The following IKZF1 variants were observed in gnomAD, a reference collection of about 807,000 sequenced individuals.
IKZF1 encodes IKAROS family zinc finger 1.
In IKZF1, 10 loss-of-function variants were observed where a neutral mutation model predicts 51.7. The ratio of observed to expected loss-of-function variants is 0.19; its 90% CI spans 0.12 to 0.33. The LOEUF (loss-of-function observed/expected upper bound fraction) is 0.33, where lower values mean the gene tolerates loss of function less well. IKZF1 is among the 10% of genes least tolerant of loss of function. The pLI is 1.00. For missense variants in IKZF1, 484 were observed against 707.5 expected (o/e 0.68, Z 3.58); for synonymous variants, 280 against 282.3 (o/e 0.99, Z 0.08).
At chr7:50,318,500 A>C (rs1346174912) in intron 1 of IKZF1, 1 of 226,874 alleles carries the variant, frequency 4.4e-6, no homozygotes, top group Non-Finnish European at 8.8e-6. Flanking sequence ...CCCATCTGCC[A>C]GGCTGGAGGT....
intron 5 of IKZF1, among the ~76,000 whole-genome samples, chr7:50,384,169 A>T (rs1238027876): frequency 6.6e-6 from 1 of 152,216 alleles, no homozygotes; most frequent in Non-Finnish European, 1.5e-5. Context: ...GAGACATTCT[A>T]AACTAGTGTG....
chr7:50,375,299 C>G (rs1359756003), intron 3 of IKZF1, among the ~76,000 whole-genome samples: 1 of 152,164 alleles, frequency 6.6e-6, no homozygotes, highest in Non-Finnish European at 1.5e-5. Flanking sequence ...TGGTGCACAC[C>G]TGTAGTCACA....
intron 7 of IKZF1, among the ~76,000 whole-genome samples, chr7:50,398,658 G>A (rs908568841): frequency 6.6e-6 from 1 of 152,192 alleles, no homozygotes; most frequent in Non-Finnish European, 1.5e-5. Flanking sequence ...TAAGGATGGG[G>A]ACCATTCTCA....
rs1584767466 is a variant in IKZF1, at chr7:50,360,434, A to G, written c.161-16099A>G. Among the ~76,000 whole-genome samples the G allele has an allele frequency of 2.0e-5, 3 of 152,212 alleles. No individual in the cohort carries two copies. The South Asian group carries it at 6.2e-4, about 31-fold the overall frequency. ...TGCATGTTTGTTCTCATTTGAAGTC[A>G]GAAGTGATATGTCCTACACCTCAAG... On this transcript the variant is annotated intron_variant, in intron 3 of 7. Transcript: ENST00000331340.
At chr7:50,327,876 TAAAGA>T in intron 3 of IKZF1, 119 bp downstream of exon 3, 1 of 1,156,070 alleles carries the variant, frequency 8.6e-7, no homozygotes, top group Non-Finnish European at 1.2e-6. Flanking sequence ...ACTGGCATAT[TAAAGA>T]AATATGGCAC....
At chr7:50,335,321 GTGTA>G (rs1797408974) in intron 3 of IKZF1, among the ~76,000 whole-genome samples, 1 of 143,724 alleles carries the variant, frequency 7.0e-6, no homozygotes, top group African/African-American at 2.6e-5. Context: ...GGTATGTGGT[GTGTA>G]TGTGTGTATG....
intron 3 of IKZF1, among the ~76,000 whole-genome samples, chr7:50,346,066 G>A (rs1800286011): frequency 6.6e-6 from 1 of 152,222 alleles, no homozygotes; most frequent in African/African-American, 2.4e-5. Flanking sequence ...CTGTCTGCAT[G>A]TGCATGAAAC....
At position 50,400,828 on chromosome 7, in the gene IKZF1, C is replaced by T; in HGVS notation, c.*201C>T. The T allele has an allele frequency of 1.4e-6, 1 of 694,784 alleles. No homozygotes were observed. The highest frequency in any genetic ancestry group is 2.0e-5 in the South Asian group (1 of 50,570). 43.0% of individuals were successfully genotyped at this position (694,784 alleles called of 1,614,324 possible). A position where few individuals can be genotyped will look rare whatever the true frequency, so the allele number is the denominator to read the frequency against. ...TTGAAAAGATTTTTATTTTTAGAGG[C>T]AGGGCTGCATTGGGAGCATCCAGAA... On this transcript the variant is annotated 3_prime_UTR_variant, in exon 8 of 8. Transcript: ENST00000331340. The surrounding 1 kb of genome is among the most constrained non-coding windows in gnomAD (Gnocchi z 5.4).
intron 3 of IKZF1, among the ~76,000 whole-genome samples, chr7:50,375,772 C>T (rs1178781354): frequency 1.4e-5 from 2 of 141,972 alleles, no homozygotes; most frequent in African/African-American, 2.6e-5. Flanking sequence ...AAAAGCTCTT[C>T]CAGATACCTA....
At chr7:50,391,623 G>T (rs534609991) in intron 6 of IKZF1, 106 bp from the exon 7 acceptor site, 4 of 1,484,236 alleles carry the variant, frequency 2.7e-6, no homozygotes, top group Non-Finnish European at 2.7e-6. Flanking sequence ...TCTAGGAAGG[G>T]CCTGGCTCTT....
intron 2 of IKZF1, among the ~76,000 whole-genome samples, chr7:50,321,753 C>T (rs539848087): frequency 8.5e-5 from 13 of 152,112 alleles, no homozygotes; most frequent in African/African-American, 1.4e-4. Context: ...ATCTTAGTAA[C>T]GAAACTAACA....
At chr7:50,377,029 A>C (rs751016690) in intron 4 of IKZF1, 9 of 633,796 alleles carry the variant, frequency 1.4e-5, no homozygotes, top group Non-Finnish European at 2.3e-5. Context: ...ACAAGGGAAA[A>C]GTGAACAGCA....
intron 3 of IKZF1, among the ~76,000 whole-genome samples, chr7:50,357,174 A>G (rs1201913205): frequency 6.6e-6 from 1 of 150,728 alleles, no homozygotes; most frequent in African/African-American, 2.4e-5. Flanking sequence ...CTCCATCCCA[A>G]CCCCAGACCA....
intron 3 of IKZF1, chr7:50,328,006 C>T: frequency 2.2e-6 from 1 of 456,140 alleles, no homozygotes; most frequent in Non-Finnish European, 4.0e-6. Context: ...GCAATCCTGC[C>T]CAGGGACGCG....
chr7:50,338,856 T>C (rs1798388659), intron 3 of IKZF1, among the ~76,000 whole-genome samples: 1 of 152,194 alleles, frequency 6.6e-6, no homozygotes, highest in Non-Finnish European at 1.5e-5. Context: ...GGAACCTACA[T>C]TTCACAAATT....
intron 3 of IKZF1, among the ~76,000 whole-genome samples, chr7:50,338,255 T>C (rs1798246702): frequency 6.6e-6 from 1 of 152,244 alleles, no homozygotes; most frequent in South Asian, 2.1e-4. Context: ...TTTATTTTGA[T>C]GCCTTACACT....
rs1818098027 is a variant in IKZF1, at chr7:50,401,402, G to A, written c.*775G>A. On this transcript the variant is annotated 3_prime_UTR_variant, in exon 8 of 8. Coordinates refer to ENST00000331340, the MANE Select transcript of IKZF1 (RefSeq NM_006060.6). ...GCTTGCTGCCCCGTAGGAGGAGACT[G>A]TCTTCCCGTGGGCATATCTGGGGAG... 4.4e-6 allele frequency: 1 copy of A among 227,002 alleles called. No homozygotes were observed. Among genetic ancestry groups the A allele is most frequent in the East Asian group, 6.2e-5 (1 of 16,044 alleles). 14.1% of individuals were successfully genotyped at this position (227,002 alleles called of 1,614,324 possible).
chr7:50,312,812 G>A (rs544601104), intron 1 of IKZF1, among the ~76,000 whole-genome samples: 1 of 152,212 alleles, frequency 6.6e-6, no homozygotes, highest in Non-Finnish European at 1.5e-5. Context: ...GGAACAAACC[G>A]CAGGAGGAGT....
chr7:50,322,944 T>C (rs74690274), intron 2 of IKZF1, among the ~76,000 whole-genome samples: 12,103 of 152,194 alleles, frequency 0.08, 592 homozygotes, highest in Middle Eastern at 0.14. Context: ...GTAGTGTGTT[T>C]TTTTGGGGAT....
Sources: gnomAD v4.1 joint callset for allele counts (sites outside exome capture counted in the v4.1 genomes callset) on GRCh38, gnomAD v4.1.1 for gene constraint, Gnocchi (gnomAD v3.1) non-coding constraint, MANE v1.5 for transcripts, NCBI Gene and HGNC (gene_info 2026-07-23, HGNC 2026-07-21) for gene names.